SSH2: variants seen among roughly 807,000 people sequenced by gnomAD.
SSH2 encodes slingshot protein phosphatase 2, also known as protein phosphatase Slingshot homolog 2.
Under a neutral mutation model 135.2 loss-of-function variants are expected in SSH2, and 37 were observed. The observed-to-expected ratio is 0.27, with a 90% confidence interval of 0.21 to 0.36. The LOEUF (loss-of-function observed/expected upper bound fraction) is 0.36, where lower values mean the gene tolerates loss of function less well. Among genes scored for constraint, SSH2 ranks in the 10% least tolerant of loss-of-function variants. The pLI, the probability that SSH2 is intolerant of heterozygous loss-of-function variation, is 1.00. For synonymous variants in SSH2, 628 were observed against 646.2 expected (o/e 0.97, Z 0.43); for missense variants, 1,408 against 1,765.3 (o/e 0.80, Z 3.63).
intron 6 of SSH2, among the ~76,000 whole-genome samples, chr17:29,679,282 T>C (rs2037866560): frequency 6.6e-6 from 1 of 152,200 alleles, no homozygotes; most frequent in Admixed American, 6.5e-5. Flanking sequence ...GAATCTGGCA[T>C]AACCATACTG....
At chr17:29,881,263 T>G (rs537490751) in intron 1 of SSH2, among the ~76,000 whole-genome samples, 4 of 152,206 alleles carry the variant, frequency 2.6e-5, no homozygotes, top group Non-Finnish European at 5.9e-5. Flanking sequence ...TATACATATG[T>G]GAAGTATTGA....
At chr17:29,915,911 T>C (rs2066872997) in intron 1 of SSH2, among the ~76,000 whole-genome samples, 1 of 151,804 alleles carries the variant, frequency 6.6e-6, no homozygotes, top group Admixed American at 6.6e-5. Flanking sequence ...ACATGTGCCA[T>C]GTTGGTGTGC....
intron 12 of SSH2, among the ~76,000 whole-genome samples, chr17:29,653,730 G>T (rs927998785): frequency 1.3e-5 from 2 of 152,212 alleles, no homozygotes; most frequent in South Asian, 4.2e-4. Flanking sequence ...GGGATTACAG[G>T]TGCCTGCCAT....
At chr17:29,874,941 G>A (rs2066002311) in intron 1 of SSH2, among the ~76,000 whole-genome samples, 1 of 152,062 alleles carries the variant, frequency 6.6e-6, no homozygotes, top group Admixed American at 6.6e-5. Context: ...TCCCCCAAGT[G>A]ATCCCATTAG....
chr17:29,788,742 T>G (rs546413086), intron 3 of SSH2, among the ~76,000 whole-genome samples: 1 of 152,168 alleles, frequency 6.6e-6, no homozygotes, highest in South Asian at 2.1e-4. Context: ...CAGATATTGG[T>G]CCTGAGAAAT....
intron 1 of SSH2, among the ~76,000 whole-genome samples, chr17:29,867,113 A>G (rs367784295): frequency 6.6e-6 from 1 of 152,040 alleles, no homozygotes; most frequent in African/African-American, 2.4e-5. Context: ...CTGGGATTAC[A>G]GGCATAAGCC....
intron 3 of SSH2, among the ~76,000 whole-genome samples, chr17:29,760,723 C>G (rs1411853812): frequency 6.6e-6 from 1 of 150,794 alleles, no homozygotes; most frequent in African/African-American, 2.4e-5. Flanking sequence ...GCAATAGAAA[C>G]TTTAAAAAAA....
At chr17:29,759,689 C>T (rs1211792407) in intron 3 of SSH2, among the ~76,000 whole-genome samples, 2 of 152,128 alleles carry the variant, frequency 1.3e-5, no homozygotes, top group African/African-American at 4.8e-5. Context: ...ACTTTTGTGA[C>T]TGGCTTATTT....
intron 2 of SSH2, among the ~76,000 whole-genome samples, chr17:29,831,835 T>C (rs1474045854): frequency 6.6e-6 from 1 of 152,158 alleles, no homozygotes; most frequent in Non-Finnish European, 1.5e-5. Flanking sequence ...AGCCTCGGCC[T>C]CCCAAAGTGC....
At chr17:29,794,639 C>A (rs908359363) in intron 2 of SSH2, among the ~76,000 whole-genome samples, 1 of 152,130 alleles carries the variant, frequency 6.6e-6, no homozygotes, top group African/African-American at 2.4e-5. Flanking sequence ...AGTTCAATTA[C>A]AATATTTATT....
At chr17:29,902,543 AC>A (rs891721817) in intron 1 of SSH2, among the ~76,000 whole-genome samples, 1 of 151,802 alleles carries the variant, frequency 6.6e-6, no homozygotes, top group East Asian at 1.9e-4. Context: ...AAAAAAAAAA[AC>A]CCCAATAATT....
chr17:29,729,506 C>T (rs1419533267), intron 3 of SSH2, among the ~76,000 whole-genome samples: 1 of 152,142 alleles, frequency 6.6e-6, no homozygotes, highest in East Asian at 1.9e-4. Context: ...CTAAATAGAA[C>T]TACCATACGA....
chr17:29,720,388 GT>G (rs1271966116), intron 3 of SSH2, among the ~76,000 whole-genome samples: 2 of 152,286 alleles, frequency 1.3e-5, no homozygotes, highest in East Asian at 1.9e-4. Flanking sequence ...CTCTTCTATA[GT>G]TGTTTTCTAC....
At chr17:29,647,660 G>A (rs1256293134) in intron 14 of SSH2, 2 of 156,448 alleles carry the variant, frequency 1.3e-5, no homozygotes, top group African/African-American at 4.8e-5. Flanking sequence ...TGTGTCCAGG[G>A]AAATCTTTCT....
intron 1 of SSH2, chr17:29,855,990 A>T (rs960286327): frequency 4.3e-5 from 16 of 376,460 alleles, no homozygotes; most frequent in African/African-American, 2.1e-4. Flanking sequence ...TGTACAGAAC[A>T]TTATCAAGGG....
rs955951442 is a variant in SSH2 at position 29,930,216 on chromosome 17, T to C, written c.-216A>G. The C allele has an allele frequency of 1.1e-5, 6 of 555,918 alleles. No homozygotes were observed. The highest frequency in any genetic ancestry group is 2.2e-5 in the South Asian group (1 of 45,528). The allele number at this position is 555,918 out of a possible 1,614,324, so 34.4% of individuals were successfully genotyped here. The stretch of plus-strand genomic sequence containing the variant: ...GGCGGCGGGCGGGCGGTTCCGCAGC[T>C]GCGGGGCACAATGAGCGCTCCCAGT... On this transcript the variant is annotated 5_prime_UTR_variant, in exon 1 of 16. Coordinates refer to ENST00000540801, the MANE Select transcript of SSH2 (RefSeq NM_001282129.2).
intron 1 of SSH2, among the ~76,000 whole-genome samples, chr17:29,913,341 A>T (rs1227858491): frequency 3.6e-4 from 17 of 47,682 alleles, no homozygotes; most frequent in East Asian, 1.8e-3. Flanking sequence ...AAAAAAAAAA[A>T]AAAAAAATAT....
chr17:29,779,093 T>G (rs1202359299), intron 3 of SSH2, among the ~76,000 whole-genome samples: 2 of 151,868 alleles, frequency 1.3e-5, no homozygotes, highest in African/African-American at 4.8e-5. Flanking sequence ...ACCTAATTTT[T>G]TTTCTAACGG....
chr17:29,848,592 C>T (rs977353679), intron 2 of SSH2, among the ~76,000 whole-genome samples: 2 of 152,130 alleles, frequency 1.3e-5, no homozygotes, highest in African/African-American at 4.8e-5. Context: ...ACTCAAGGTT[C>T]CAAGATGCCA....
Sources: allele counts gnomAD v4.1 joint callset (sites outside exome capture counted in the v4.1 genomes callset), GRCh38; gene constraint gnomAD v4.1.1; transcripts MANE v1.5; gene names NCBI Gene and HGNC (gene_info 2026-07-23, HGNC 2026-07-21).